CNTNAP3B: variants seen among roughly 807,000 people sequenced by gnomAD.
CNTNAP3B encodes the protein contactin associated protein family member 3B.
In CNTNAP3B, 25 loss-of-function variants were observed where a neutral mutation model predicts 108.9. The ratio of observed to expected loss-of-function variants is 0.23; its 90% confidence interval spans 0.17 to 0.32. CNTNAP3B has a LOEUF of 0.32. Among genes scored for constraint, CNTNAP3B ranks in the 10% least tolerant of loss-of-function variants. The pLI, the probability that CNTNAP3B is intolerant of heterozygous loss-of-function variation, is 1.00. For missense variants in CNTNAP3B, 252 were observed against 1,210.4 expected (o/e 0.21, Z 11.75); for synonymous variants, 103 against 473.4 (o/e 0.22, Z 10.16).
intron 17 of CNTNAP3B, among the ~76,000 whole-genome samples, chr9:41,922,290 T>C (rs377172011): frequency 0.37 from 36,765 of 98,528 alleles, 7,593 homozygotes; most frequent in East Asian, 0.59. Flanking sequence ...ATGGTAAAAC[T>C]GTGTCTCTAT....
chr9:41,974,299 A>G, intron 9 of CNTNAP3B: 1 of 85,956 alleles, frequency 1.2e-5, no homozygotes, highest in Non-Finnish European at 2.3e-5. Flanking sequence ...TCATTTTTTC[A>G]TATTAACCTG....
At chr9:41,952,515 G>T (rs1199577562) in intron 13 of CNTNAP3B, among the ~76,000 whole-genome samples, 1 of 152,278 alleles carries the variant, frequency 6.6e-6, no homozygotes, top group Non-Finnish European at 1.5e-5. Context: ...GAGTCCTGCA[G>T]GGGACTGTGG....
intron 3 of CNTNAP3B, among the ~76,000 whole-genome samples, chr9:42,014,498 T>G (rs1826185496): frequency 9.2e-6 from 1 of 108,126 alleles, no homozygotes; most frequent in South Asian, 2.8e-4. Context: ...CTAAAGAATG[T>G]ACCAGGCTTA....
chr9:41,936,990 T>C (rs1157858724), intron 14 of CNTNAP3B, among the ~76,000 whole-genome samples: 431 of 151,392 alleles, frequency 2.8e-3, no homozygotes, highest in African/African-American at 0.01. Context: ...AATAAATAAG[T>C]GGACTACCAT....
rs893902449 is a variant in CNTNAP3B at position 42,124,346 on chromosome 9, A to C, written c.85+4664T>G. Among the ~76,000 whole-genome samples the C allele has an allele frequency of 3.0e-4, 40 of 135,388 alleles. 6 individuals carry two copies. Among genetic ancestry groups the C allele is most frequent in the Admixed American group, 8.2e-4 (11 of 13,458 alleles). The allele number at this position is 135,388 out of a possible 152,430, so 88.8% of individuals were successfully genotyped here. On this transcript the variant is annotated intron_variant, in intron 1 of 23. Transcript: ENST00000377561. Reference sequence around the variant, plus strand: ...AAGCATATACTCCATTTTTTAGAAAACTAGATTTACTGTAGTCCTGTTAAG... The same window carrying C: ...AAGCATATACTCCATTTTTTAGAAACCTAGATTTACTGTAGTCCTGTTAAG...
At chr9:42,078,983 T>G (rs1314268837) in intron 2 of CNTNAP3B, among the ~76,000 whole-genome samples, 1 of 150,856 alleles carries the variant, frequency 6.6e-6, no homozygotes, top group South Asian at 2.1e-4. Context: ...TCCCTTTAAG[T>G]AAATTTTGCA....
At chr9:42,036,103 G>T (rs533898425) in intron 3 of CNTNAP3B, among the ~76,000 whole-genome samples, 2 of 149,700 alleles carry the variant, frequency 1.3e-5, no homozygotes, top group Non-Finnish European at 3.0e-5. Context: ...GGGAGACTCC[G>T]TCTCAAAAAA....
chr9:41,943,911 T>A (rs1027058043), intron 13 of CNTNAP3B, among the ~76,000 whole-genome samples: 2 of 152,232 alleles, frequency 1.3e-5, no homozygotes, highest in African/African-American at 4.8e-5. Flanking sequence ...TAAAATAAAA[T>A]CTTTTAAAAA....
intron 15 of CNTNAP3B, among the ~76,000 whole-genome samples, chr9:41,926,411 C>A (rs1221209974): frequency 6.6e-6 from 1 of 152,308 alleles, no homozygotes; most frequent in Non-Finnish European, 1.5e-5. Context: ...GAGGAAGCTA[C>A]AAGTTTTACA....
chr9:42,095,672 G>A (rs1303391845), intron 2 of CNTNAP3B, among the ~76,000 whole-genome samples: 1 of 138,788 alleles, frequency 7.2e-6, no homozygotes, highest in Non-Finnish European at 1.5e-5. Context: ...TGGAATTCTG[G>A]CTGATACAGA....
chr9:41,934,100 C>CATACATATATAT (rs1564148239), intron 14 of CNTNAP3B, among the ~76,000 whole-genome samples: 1 of 90,224 alleles, frequency 1.1e-5, no homozygotes, highest in Admixed American at 1.3e-4. Context: ...ATATTTGTTA[C>CATACATATATAT]ATATATATAT....
chr9:41,964,179 A>G (rs1825193336), intron 11 of CNTNAP3B, among the ~76,000 whole-genome samples: 1 of 152,296 alleles, frequency 6.6e-6, no homozygotes, highest in African/African-American at 2.4e-5. Flanking sequence ...TCTTTGACTG[A>G]GAAGATTCTC....
intron 3 of CNTNAP3B, among the ~76,000 whole-genome samples, chr9:42,026,793 C>T (rs1217738617): frequency 7.3e-6 from 1 of 136,798 alleles, no homozygotes; most frequent in Non-Finnish European, 1.6e-5. Context: ...ACACATTTTG[C>T]TCAATAATAA....
rs1373443087 is a variant in CNTNAP3B at position 42,011,693 on chromosome 9, T to C, written c.538+1685A>G. Reference sequence around the variant, plus strand: ...GCGTGGAAGGGATATTATAAGTCATTATAAGCAACGTTCTAGAAAACAAGC... The same window carrying C: ...GCGTGGAAGGGATATTATAAGTCATCATAAGCAACGTTCTAGAAAACAAGC... On this transcript the variant is annotated intron_variant, in intron 4 of 23. Transcript: ENST00000377561. The C allele has an allele frequency of 6.3e-3, 400 of 63,908 alleles. 85 individuals are homozygous for C. Among genetic ancestry groups the C allele is most frequent in the African/African-American group, 0.022 (386 of 17,650 alleles). 4.0% of individuals were successfully genotyped at this position (63,908 alleles called of 1,614,324 possible).
intron 14 of CNTNAP3B, among the ~76,000 whole-genome samples, chr9:41,930,795 C>A (rs1823954945): frequency 6.6e-6 from 1 of 152,240 alleles, no homozygotes; most frequent in East Asian, 1.9e-4. Flanking sequence ...TTAGCTATGC[C>A]ACTAATTTTG....
intron 2 of CNTNAP3B, among the ~76,000 whole-genome samples, chr9:42,104,227 C>A (rs1359278871): frequency 8.8e-6 from 1 of 114,066 alleles, no homozygotes; most frequent in Non-Finnish European, 1.8e-5. Context: ...TTTTCTCATC[C>A]AAATAGGGAT....
chr9:41,926,175 A>G (rs1202290414), intron 15 of CNTNAP3B, among the ~76,000 whole-genome samples: 2 of 152,270 alleles, frequency 1.3e-5, no homozygotes, highest in African/African-American at 4.8e-5. Flanking sequence ...CCTCCTTCCC[A>G]CATGTATAAC....
At chr9:41,942,088 T>C (rs1824364536) in intron 13 of CNTNAP3B, among the ~76,000 whole-genome samples, 2 of 152,274 alleles carry the variant, frequency 1.3e-5, no homozygotes, top group Non-Finnish European at 2.9e-5. Context: ...CTTCTTTTCT[T>C]ACCCAAGGGA....
intron 1 of CNTNAP3B, among the ~76,000 whole-genome samples, chr9:42,126,146 G>GC (rs1828566532): frequency 7.4e-6 from 1 of 134,706 alleles, no homozygotes; most frequent in Admixed American, 7.5e-5. Context: ...CTTTCCCCAG[G>GC]CTGGCTGGCG....
Sources: gnomAD v4.1 joint callset for allele counts (sites outside exome capture counted in the v4.1 genomes callset) on GRCh38, gnomAD v4.1.1 for gene constraint, MANE v1.5 for transcripts, NCBI Gene and HGNC (gene_info 2026-07-23, HGNC 2026-07-21) for gene names.